Variants in CEP290 observed in about 807,000 individuals in gnomAD.
The protein encoded by CEP290 is centrosomal protein of 290 kDa.
In CEP290, 317 loss-of-function variants were observed where a neutral mutation model predicts 344.9. That is an observed-to-expected ratio of 0.92 (90% CI 0.84 to 1.01). The LOEUF (loss-of-function observed/expected upper bound fraction) is 1.01. Among genes scored for constraint, CEP290 ranks in the 50% least tolerant of loss-of-function variants. The probability of loss-of-function intolerance (pLI) is 0.00; values close to 1 mark genes in which losing one functional copy is unlikely to be tolerated. For missense variants in CEP290, 2,754 were observed against 2,761.4 expected (o/e 1.00, Z 0.06); for synonymous variants, 932 against 895.8 (o/e 1.04, Z -0.72).
At chr12:88,071,686 A>C in intron 42 of CEP290, 95 bp downstream of exon 42, 3 of 1,005,440 alleles carry the variant, frequency 3.0e-6, no homozygotes, top group Non-Finnish European at 4.3e-6. Flanking sequence ...AAACTAGACC[A>C]TTTCTCATAT....
At chr12:88,081,671 T>C (rs1007613350) in intron 37 of CEP290, among the ~76,000 whole-genome samples, 10 of 152,146 alleles carry the variant, frequency 6.6e-5, no homozygotes, top group South Asian at 2.1e-4. Flanking sequence ...CTAATACATA[T>C]CAAAATATGC....
At chr12:88,090,084 A>G (rs950890479) in intron 30 of CEP290, among the ~76,000 whole-genome samples, 3 of 152,136 alleles carry the variant, frequency 2.0e-5, no homozygotes, top group African/African-American at 7.2e-5. Flanking sequence ...GACAATGTGT[A>G]TGTTTTTATA....
intron 18 of CEP290, chr12:88,115,632 G>T (rs56255312): frequency 8.9e-7 from 1 of 1,129,408 alleles, no homozygotes; most frequent in Non-Finnish European, 1.2e-6. Context: ...CTGCATTTTA[G>T]ATTTTAAAAA....
intron 3 of CEP290, among the ~76,000 whole-genome samples, chr12:88,140,135 C>G (rs1463430271): frequency 1.3e-5 from 2 of 152,114 alleles, no homozygotes; most frequent in Non-Finnish European, 1.5e-5. Context: ...CTCAAGTCCT[C>G]AAGTCTTATA....
At chr12:88,079,643 C>T (rs1234712563) in intron 38 of CEP290, among the ~76,000 whole-genome samples, 1 of 152,032 alleles carries the variant, frequency 6.6e-6, no homozygotes, top group South Asian at 2.1e-4. Flanking sequence ...AATTTCATAG[C>T]TAGCACAGAA....
chr12:88,102,556 T>A (rs1474766173), intron 26 of CEP290, among the ~76,000 whole-genome samples: 2 of 152,176 alleles, frequency 1.3e-5, no homozygotes, highest in Admixed American at 1.3e-4. Flanking sequence ...AGAGGTTTGA[T>A]TCAGCTAAAT....
chr12:88,084,093 T>C lies in CEP290; in HGVS notation c.4705-139A>G, dbSNP rs764773944. ...GAAACAGTATCTCCATATATGTATG[T>C]ATCTAGACTGGTATGCATGTCCCCT... On this transcript the variant is annotated intron_variant, in intron 35 of 53. Coordinates refer to ENST00000552810, the MANE Select transcript of CEP290 (RefSeq NM_025114.4). The C allele has an allele frequency of 5.2e-4, 308 of 594,792 alleles. 2 individuals carry two copies. The highest frequency in any genetic ancestry group is 8.7e-5 in the Non-Finnish European group (30 of 344,792). The allele number at this position is 594,792 out of a possible 1,614,324, so 36.8% of individuals were successfully genotyped here. A position where few individuals can be genotyped will look rare whatever the true frequency, so the allele number is the denominator to read the frequency against.
chr12:88,094,372 G>A (rs909230389), intron 27 of CEP290, among the ~76,000 whole-genome samples: 2 of 152,068 alleles, frequency 1.3e-5, no homozygotes, highest in Non-Finnish European at 2.9e-5. Context: ...GTGAATATAA[G>A]TGCAATGACT....
At position 88,111,201 on chromosome 12, in the gene CEP290, C is replaced by T; in HGVS notation, c.2367+1G>A. 7.4e-7 allele frequency: 1 copy of T among 1,357,554 alleles called. No individual in the cohort carries two copies. Among genetic ancestry groups the T allele is most frequent in the Non-Finnish European group, 9.6e-7 (1 of 1,046,220 alleles). The allele number at this position is 1,357,554 out of a possible 1,614,324, so 84.1% of individuals were successfully genotyped here. A position where few individuals can be genotyped will look rare whatever the true frequency, so the allele number is the denominator to read the frequency against. On this transcript the variant is annotated splice_donor_variant, in intron 22 of 53. Transcript: ENST00000552810. LOFTEE classifies it high-confidence loss of function. ...AATACCTGTAACAAAATTTTCAATACCTGTAACAAATGTATTAAATATTCA... is the reference window on the plus strand; with the variant it reads ...AATACCTGTAACAAAATTTTCAATATCTGTAACAAATGTATTAAATATTCA...
intron 27 of CEP290, 35 bp downstream of exon 27, chr12:88,096,853 T>C (rs1285124285): frequency 1.0e-6 from 1 of 1,002,180 alleles, no homozygotes; most frequent in Non-Finnish European, 1.5e-6. Flanking sequence ...TATTAGATGT[T>C]AATCATTTTA....
chr12:88,094,568 G>A (rs1240093854), intron 27 of CEP290, among the ~76,000 whole-genome samples: 4 of 151,950 alleles, frequency 2.6e-5, no homozygotes, highest in Non-Finnish European at 5.9e-5. Flanking sequence ...CAGTTACGCA[G>A]CTTGTCTTTG....
intron 1 of CEP290, 25 bp from the exon 2 acceptor site, chr12:88,141,359 G>T: frequency 8.4e-7 from 1 of 1,184,852 alleles, no homozygotes; most frequent in Non-Finnish European, 1.2e-6. Flanking sequence ...GTGTATATTA[G>T]CATTTTCAAG....
chr12:88,049,191 A>G lies in CEP290; in HGVS notation c.7433T>C (p.Ile2478Thr). ...AAAGTTTATAGGTGACCTTTAGTAA[A>G]TGGGGAAATTAACAGGACTTTCTTC... ...DEEESPVNFPIY is the reference protein window; with the variant it reads ...DEEESPVNFPTY Residue 2478 changes from isoleucine (I) to threonine (T), a missense_variant, in exon 54 of 54, where the codon ATT becomes ACT. Physicochemically the swap from Ile to Thr is moderately conservative, Grantham distance 89. Transcript: ENST00000552810. 1.3e-6 allele frequency: 2 copies of G among 1,582,782 alleles called. No homozygotes were observed. Among genetic ancestry groups the G allele is most frequent in the Non-Finnish European group, 1.7e-6 (2 of 1,165,854 alleles).
chr12:88,068,434 T>G (rs2035104292), intron 44 of CEP290, 88 bp downstream of exon 44: 1 of 906,450 alleles, frequency 1.1e-6, no homozygotes, highest in Non-Finnish European at 1.6e-6. Context: ...GATGTAATGC[T>G]TTTGGCCAGA....
Position 88,058,897 on chromosome 12 carries a change from G to A in CEP290, c.6769C>T (p.Gln2257Ter), listed in dbSNP as rs2136704614. The change falls in exon 49 of 54, where the codon CAG (glutamine) becomes TAG (stop). Residue 2257 changes from glutamine to a stop codon, truncating the protein, a stop_gained. Coordinates refer to ENST00000552810, the MANE Select transcript of CEP290 (RefSeq NM_025114.4). LOFTEE classifies it high-confidence loss of function. The stretch of plus-strand genomic sequence containing the variant: ...CTCTTACTGTCAGCACCTTCAAGCT[G>A]TGGACCTCTGCTTTCTGCAAACTGC... ...RLQFAESRGP[Q>*]LEGADSKSWK... The A allele has an allele frequency of 6.8e-6, 11 of 1,613,958 alleles. No homozygotes were observed. Among genetic ancestry groups the A allele is most frequent in the Non-Finnish European group, 9.3e-6 (11 of 1,179,892 alleles).
At chr12:88,131,316 T>C in intron 6 of CEP290, 98 bp from the exon 7 acceptor site, 3 of 841,584 alleles carry the variant, frequency 3.6e-6, no homozygotes, top group South Asian at 1.9e-5. Context: ...TAGGCTGGAG[T>C]ACAGTGGTGC....
rs1256796451 is a variant in CEP290, at chr12:88,118,628, G to A, written c.1623+15C>T. ...AGTTCAGCCAAGAAAATAATCAACT[G>A]ACTACCACACTTGCCTCTTTCAAAA... is the stretch of plus-strand genomic sequence containing the variant. On this transcript the variant is annotated intron_variant, in intron 16 of 53. Coordinates refer to ENST00000552810, the MANE Select transcript of CEP290 (RefSeq NM_025114.4). 1 of 1,610,608 alleles carries A rather than the reference G, an allele frequency of 6.2e-7. No homozygotes were observed. The highest frequency in any genetic ancestry group is 1.1e-5 in the South Asian group (1 of 91,012).
chr12:88,081,364 A>T (rs1245599295), intron 37 of CEP290, among the ~76,000 whole-genome samples: 1 of 152,232 alleles, frequency 6.6e-6, no homozygotes, highest in East Asian at 1.9e-4. Context: ...CTAGCATTAT[A>T]TCTATAACTA....
In CEP290 at chr12:88,072,752, A is replaced by C. The variant is rs547347144; in HGVS notation, c.5710-826T>G. On this transcript the variant is annotated intron_variant, in intron 41 of 53. Transcript: ENST00000552810. ...AACCATGTGCCAAGTACTACTCTAG[A>C]GGCAATAGGAATAGAACAAATGAAT... Among the ~76,000 whole-genome samples, 3 of 152,286 alleles carry C rather than the reference A, an allele frequency of 2.0e-5. No homozygotes were observed. The East Asian group carries it at 5.8e-4, about 29-fold the overall frequency.
Sources: gnomAD v4.1 joint callset for allele counts (sites outside exome capture counted in the v4.1 genomes callset) on GRCh38, gnomAD v4.1.1 for gene constraint, MANE v1.5 for transcripts, NCBI Gene and HGNC (gene_info 2026-07-23, HGNC 2026-07-21) for gene names.